IL1RAPL2: variants seen among roughly 807,000 people sequenced by gnomAD.
The protein encoded by IL1RAPL2 is X-linked interleukin-1 receptor accessory protein-like 2.
In IL1RAPL2, 3 loss-of-function variants were observed where a neutral mutation model predicts 44.1. That is an observed-to-expected ratio of 0.07 (90% CI 0.03 to 0.18). The LOEUF (loss-of-function observed/expected upper bound fraction) is 0.18, where lower values mean the gene tolerates loss of function less well. Ranked by LOEUF, IL1RAPL2 falls within the 10% of genes least tolerant of loss-of-function variation. The pLI is 1.00. For missense variants in IL1RAPL2, 391 were observed against 496.4 expected (o/e 0.79, Z 2.02); for synonymous variants, 181 against 178.8 (o/e 1.01, Z -0.10).
chrX:105,653,901 GA>G (rs1407859839), intron 6 of IL1RAPL2, among the ~76,000 whole-genome samples: 9 of 110,997 alleles, frequency 8.1e-5, no homozygotes, highest in African/African-American at 3.0e-4. Flanking sequence ...AACTGGTTTT[GA>G]GTCTCCTTTG....
intron 6 of IL1RAPL2, among the ~76,000 whole-genome samples, chrX:105,666,896 A>G (rs747290747): frequency 6.3e-4 from 71 of 111,992 alleles, no homozygotes; most frequent in Non-Finnish European, 1.0e-3. Context: ...CTGCACGTCC[A>G]TTCATAGGCT....
intron 5 of IL1RAPL2, among the ~76,000 whole-genome samples, chrX:105,278,787 G>A (rs925730176): frequency 3.6e-5 from 4 of 111,487 alleles, no homozygotes; most frequent in African/African-American, 6.5e-5. Context: ...TTGAATCCAC[G>A]TTTATTTCAA....
chrX:105,136,432 A>T (rs1187493789), intron 2 of IL1RAPL2, among the ~76,000 whole-genome samples: 1 of 112,339 alleles, frequency 8.9e-6, no homozygotes, highest in Non-Finnish European at 1.9e-5. Context: ...TGTAAATGTG[A>T]TCATATTTTC....
intron 2 of IL1RAPL2, among the ~76,000 whole-genome samples, chrX:105,093,687 T>C (rs771188750): frequency 5.4e-5 from 6 of 111,629 alleles, no homozygotes; most frequent in Non-Finnish European, 1.1e-4. Flanking sequence ...AGCCATTTTA[T>C]TTGTTATCTT....
At chrX:104,621,737 C>A (rs184639457) in intron 1 of IL1RAPL2, among the ~76,000 whole-genome samples, 1 of 110,751 alleles carries the variant, frequency 9.0e-6, no homozygotes, top group Non-Finnish European at 1.9e-5. Flanking sequence ...ATTTTTTTCT[C>A]CCAAAATAGA....
chrX:104,682,662 A>G (rs969924187), intron 2 of IL1RAPL2, among the ~76,000 whole-genome samples: 2 of 112,051 alleles, frequency 1.8e-5, no homozygotes, highest in Non-Finnish European at 3.8e-5. Context: ...CTCAATAAAT[A>G]TTCATTGAAT....
chrX:105,540,907 ATATAT>A (rs772791450), intron 6 of IL1RAPL2, among the ~76,000 whole-genome samples: 656 of 46,424 alleles, frequency 0.014, 100 homozygotes, highest in African/African-American at 0.042. Context: ...TAATACATAC[ATATAT>A]TATATATGAT....
chrX:104,884,975 C>T (rs942971547), intron 2 of IL1RAPL2, among the ~76,000 whole-genome samples: 1 of 111,357 alleles, frequency 9.0e-6, no homozygotes, highest in African/African-American at 3.3e-5. Flanking sequence ...GAATTTGGCC[C>T]AACCCAAGTA....
intron 2 of IL1RAPL2, among the ~76,000 whole-genome samples, chrX:105,158,153 C>G (rs964670876): frequency 9.0e-6 from 1 of 111,126 alleles, no homozygotes; most frequent in Non-Finnish European, 1.9e-5. Context: ...TTCAGGAGAT[C>G]GAGACCATCC....
intron 2 of IL1RAPL2, among the ~76,000 whole-genome samples, chrX:104,949,075 G>A (rs1045922520): frequency 9.0e-6 from 1 of 110,890 alleles, no homozygotes; most frequent in Non-Finnish European, 1.9e-5. Flanking sequence ...GTAAGCTATT[G>A]ATTATTGCCA....
intron 6 of IL1RAPL2, among the ~76,000 whole-genome samples, chrX:105,620,058 A>C (rs1187155343): frequency 9.0e-6 from 1 of 110,911 alleles, no homozygotes; most frequent in African/African-American, 3.3e-5. Context: ...AGTGTTTGTT[A>C]ATTTCACTCC....
At chrX:105,138,155 A>T (rs1257342217) in intron 2 of IL1RAPL2, among the ~76,000 whole-genome samples, 2 of 111,631 alleles carry the variant, frequency 1.8e-5, no homozygotes, top group African/African-American at 6.5e-5. Context: ...ATTAAAAGGA[A>T]GCTGCCTGCC....
intron 2 of IL1RAPL2, among the ~76,000 whole-genome samples, chrX:104,917,520 G>A (rs1924492550): frequency 1.8e-5 from 2 of 111,488 alleles, no homozygotes. Flanking sequence ...AATTGATTGT[G>A]GGTTCTAAAG....
intron 2 of IL1RAPL2, among the ~76,000 whole-genome samples, chrX:104,848,414 T>C (rs1602757230): frequency 2.4e-4 from 2 of 8,283 alleles, no homozygotes; most frequent in Admixed American, 4.2e-3. Context: ...TATCTGTATA[T>C]ATATATATAT....
chrX:104,888,236 CAGAGAG>C lies in IL1RAPL2; in HGVS notation c.82+229260_82+229265del, dbSNP rs201487810. Among the ~76,000 whole-genome samples, 166 of 88,475 alleles carry C rather than the reference CAGAGAG, an allele frequency of 1.9e-3. 1 individual carries two copies. The highest frequency in any genetic ancestry group is 0.011 in the Middle Eastern group (2 of 179). The allele number at this position is 88,475 out of a possible 115,157, so 76.8% of individuals were successfully genotyped here. A position where few individuals can be genotyped will look rare whatever the true frequency, so the allele number is the denominator to read the frequency against. ...GAAAAGAGAGAAAGAGACAGAAAGT[CAGAGAG>C]AGAGAGAGAGAGAGAGAGGAAGAGA... On this transcript the variant is annotated intron_variant, in intron 2 of 10. Transcript: ENST00000372582.
intron 6 of IL1RAPL2, among the ~76,000 whole-genome samples, chrX:105,547,971 G>T (rs1471253611): frequency 9.0e-6 from 1 of 111,727 alleles, no homozygotes; most frequent in African/African-American, 3.3e-5. Flanking sequence ...TCTTTTGTTT[G>T]AACATCTCTG....
At chrX:104,892,648 T>C (rs752766504) in intron 2 of IL1RAPL2, among the ~76,000 whole-genome samples, 10 of 112,060 alleles carry the variant, frequency 8.9e-5, no homozygotes, top group East Asian at 5.6e-4. Context: ...ATCCCCTTTA[T>C]CATTTTTTAT....
At chrX:104,670,984 C>G (rs1930588074) in intron 2 of IL1RAPL2, among the ~76,000 whole-genome samples, 1 of 111,277 alleles carries the variant, frequency 9.0e-6, no homozygotes, top group Non-Finnish European at 1.9e-5. Context: ...CTATTGCATA[C>G]AGGATAAAGG....
chrX:104,637,706 C>G (rs1214552338), intron 1 of IL1RAPL2, among the ~76,000 whole-genome samples: 1 of 110,077 alleles, frequency 9.1e-6, no homozygotes, highest in African/African-American at 3.3e-5. Flanking sequence ...TTATTGGATT[C>G]CATTTACTAG....
Sources: allele counts gnomAD v4.1 joint callset (sites outside exome capture counted in the v4.1 genomes callset), GRCh38; gene constraint gnomAD v4.1.1; transcripts MANE v1.5; gene names NCBI Gene and HGNC (gene_info 2026-07-23, HGNC 2026-07-21).